Variants in GPR146 observed in about 807,000 individuals in gnomAD.
GPR146 encodes the protein G-protein coupled receptor 146.
For synonymous variants in GPR146, 203 were observed against 104.3 expected (o/e 1.95, Z -5.77); for missense variants, 381 against 213.9 (o/e 1.78, Z -4.87).
chr7:1,045,233 T>C (rs1488993315), intron 1 of GPR146: 1 of 152,200 alleles, frequency 6.6e-6, no homozygotes, highest in Admixed American at 6.5e-5. Flanking sequence ...TTCTCTAAAT[T>C]AGGCATAAGT....
At chr7:1,056,278 C>G (rs1370610438) in intron 1 of GPR146, 2 of 153,152 alleles carry the variant, frequency 1.3e-5, no homozygotes, top group South Asian at 2.0e-4. Context: ...GAGCCTGGAC[C>G]CAGGACCTGG....
In GPR146 at chr7:1,058,666, A is replaced by T. The variant is rs1583617264; in HGVS notation, c.*149A>T. The T allele has an allele frequency of 3.3e-6, 2 of 610,726 alleles. No homozygotes were observed. Among genetic ancestry groups the T allele is most frequent in the African/African-American group, 1.9e-5 (1 of 53,884 alleles). The allele number at this position is 610,726 out of a possible 1,614,324, so 37.8% of individuals were successfully genotyped here. On this transcript the variant is annotated 3_prime_UTR_variant, in exon 2 of 2. Transcript: ENST00000444847. ...TCTTGAAGTTTCCTTTTTCCCACAA[A>T]TGCCACTCTTGGGCCAAGGCTGTGG... is the stretch of plus-strand genomic sequence containing the variant.
rs1783227393 is a variant in GPR146, at chr7:1,052,530, A to G, written c.-24-4962A>G. Among the ~76,000 whole-genome samples, 1 of 151,940 alleles carries G rather than the reference A, an allele frequency of 6.6e-6. No individual in the cohort carries two copies. The highest frequency in any genetic ancestry group is 2.4e-5 in the African/African-American group (1 of 41,350). The stretch of plus-strand genomic sequence containing the variant: ...CTGGAGGAGCAGGGCCTGGCGGAAG[A>G]AGTGGGGGAGCCAGGAAGGAGCAGC... On this transcript the variant is annotated intron_variant, in intron 1 of 1. Coordinates refer to ENST00000444847, the MANE Select transcript of GPR146 (RefSeq NM_001303473.2). This position sits in a 1 kb window ranked among gnomAD's most constrained non-coding sequence, Gnocchi z 4.2.
chr7:1,057,334 G>A (rs925535345), intron 1 of GPR146, among the ~76,000 whole-genome samples, 158 bp from the exon 2 acceptor site: 8 of 152,116 alleles, frequency 5.3e-5, no homozygotes, highest in Admixed American at 1.3e-4. Context: ...ATTTTTCAAC[G>A]CTCAACTTCA....
At chr7:1,045,783 T>G (rs886161125) in intron 1 of GPR146, 1 of 152,274 alleles carries the variant, frequency 6.6e-6, no homozygotes, top group African/African-American at 2.4e-5. Context: ...ACATAGTTTA[T>G]ATGTATTGAA....
At chr7:1,054,047 C>T (rs1783459446) in intron 1 of GPR146, among the ~76,000 whole-genome samples, 1 of 152,180 alleles carries the variant, frequency 6.6e-6, no homozygotes, top group Non-Finnish European at 1.5e-5. Context: ...GACCTGCCTT[C>T]CTTCCATGCC....
At chr7:1,055,728 T>C (rs1325523775) in intron 1 of GPR146, among the ~76,000 whole-genome samples, 3 of 152,028 alleles carry the variant, frequency 2.0e-5, no homozygotes, top group Non-Finnish European at 4.4e-5. Flanking sequence ...GGGTGTGCCC[T>C]CCTGTCAGTG....
At chr7:1,049,983 A>G (rs777072588) in intron 1 of GPR146, among the ~76,000 whole-genome samples, 68 of 151,748 alleles carry the variant, frequency 4.5e-4, no homozygotes, top group Non-Finnish European at 8.2e-4. Context: ...GCTGCCCCAC[A>G]CTGTCGGCCC....
chr7:1,053,027 G>A (rs929574754), intron 1 of GPR146, among the ~76,000 whole-genome samples: 9 of 152,362 alleles, frequency 5.9e-5, no homozygotes, highest in African/African-American at 2.2e-4. Context: ...GAAGTCAGCA[G>A]AGTGCATGGC....
chr7:1,044,919 G>C (rs780942324), intron 1 of GPR146, among the ~76,000 whole-genome samples: 8 of 152,254 alleles, frequency 5.3e-5, no homozygotes, highest in Non-Finnish European at 1.0e-4. Context: ...TCTGCTGCTG[G>C]CGTAGGCGGC....
intron 1 of GPR146, among the ~76,000 whole-genome samples, chr7:1,050,774 A>G (rs1320509004): frequency 2.6e-5 from 4 of 152,198 alleles, no homozygotes; most frequent in Non-Finnish European, 5.9e-5. Context: ...AGTAGATGAC[A>G]CAGAGGCACA....
intron 1 of GPR146, chr7:1,055,313 G>T: frequency 2.1e-6 from 1 of 471,168 alleles, no homozygotes; most frequent in South Asian, 1.5e-5. Context: ...GCCCTCACAC[G>T]CACGCGCAGG....
At chr7:1,054,735 C>A (rs1783547008) in intron 1 of GPR146, among the ~76,000 whole-genome samples, 1 of 152,218 alleles carries the variant, frequency 6.6e-6, no homozygotes, top group South Asian at 2.1e-4. Context: ...AGAGCCCTCG[C>A]AGGAGGCTCC....
rs1440316757 is a variant in GPR146 at position 1,057,988 on chromosome 7, C to A, written c.473C>A (p.Thr158Asn). 2 of 770,616 alleles carry A rather than the reference C, an allele frequency of 2.6e-6. No individual in the cohort carries two copies. The highest frequency in any genetic ancestry group is 4.8e-6 in the Non-Finnish European group (2 of 417,906). The allele number at this position is 770,616 out of a possible 1,614,324, so 47.7% of individuals were successfully genotyped here. The change falls in exon 2 of 2, where the codon ACC becomes AAC. Residue 158 changes from threonine to asparagine, a missense_variant. Transcript: ENST00000444847. ...CGFVWGGALL[T>N]SFSSLLFYIC... ...TTCGTGTGGGGTGGCGCGCTGCTGA[C>A]CAGCTTCTCCTCGCTGCTCTTCTAC...
chr7:1,054,011 AG>A (rs1220769901), intron 1 of GPR146, among the ~76,000 whole-genome samples: 1 of 152,182 alleles, frequency 6.6e-6, no homozygotes, highest in Non-Finnish European at 1.5e-5. Flanking sequence ...GGCGTGGCCG[AG>A]GAAGGGGTTT....
chr7:1,053,107 G>T (rs1783301393), intron 1 of GPR146, among the ~76,000 whole-genome samples: 1 of 152,232 alleles, frequency 6.6e-6, no homozygotes, highest in African/African-American at 2.4e-5. Flanking sequence ...TCCAGTTCCA[G>T]GATGCCCTGC....
intron 1 of GPR146, among the ~76,000 whole-genome samples, chr7:1,047,852 TTGGATCACTCGCCTTGG>T (rs1243222585): frequency 2.0e-5 from 3 of 152,178 alleles, no homozygotes; most frequent in South Asian, 2.1e-4. Context: ...AGTGGGGAAA[TTGGATCACTCGCCTTGG>T]TGGATCACTC....
rs2128197972 is a variant in GPR146, at chr7:1,052,410, G to C, written c.-24-5082G>C. On this transcript the variant is annotated intron_variant, in intron 1 of 1. Coordinates refer to ENST00000444847, the MANE Select transcript of GPR146 (RefSeq NM_001303473.2). This position sits in a 1 kb window ranked among gnomAD's most constrained non-coding sequence, Gnocchi z 4.2. ...GGGAGGGACCTGTGTGTGGGTGGCA[G>C]GTCTTGAGGAGTCGTGGGGGAGGGT... Among the ~76,000 whole-genome samples the C allele has an allele frequency of 6.6e-6, 1 of 152,352 alleles. No homozygotes were observed. Among genetic ancestry groups the C allele is most frequent in the South Asian group, 2.1e-4 (1 of 4,824 alleles).
At chr7:1,051,777 T>C (rs1203001602) in intron 1 of GPR146, among the ~76,000 whole-genome samples, 3 of 152,194 alleles carry the variant, frequency 2.0e-5, no homozygotes, top group Admixed American at 2.0e-4. Context: ...AGTTTGAGAC[T>C]AGCCTGGGCA....
Sources: allele counts gnomAD v4.1 joint callset (sites outside exome capture counted in the v4.1 genomes callset), GRCh38; gene constraint gnomAD v4.1.1; non-coding constraint Gnocchi (gnomAD v3.1); transcripts MANE v1.5; gene names NCBI Gene and HGNC (gene_info 2026-07-23, HGNC 2026-07-21).